DDHD1: variants seen among roughly 807,000 people sequenced by gnomAD.
DDHD1 encodes the protein DDHD domain containing 1.
A neutral mutation model predicts 96.4 loss-of-function variants in DDHD1; 49 were observed. That is an observed-to-expected ratio of 0.51 (90% CI 0.40 to 0.64). The LOEUF is 0.64. DDHD1 is among the 30% of genes least tolerant of loss of function. The probability of loss-of-function intolerance (pLI) is 0.00; values close to 1 mark genes in which losing one functional copy is unlikely to be tolerated. For missense variants in DDHD1, 1,106 were observed against 1,161.2 expected (o/e 0.95, Z 0.69); for synonymous variants, 442 against 446.5 (o/e 0.99, Z 0.13).
At chr14:53,075,711 C>G (rs1398125451) in intron 4 of DDHD1, among the ~76,000 whole-genome samples, 7 of 152,184 alleles carry the variant, frequency 4.6e-5, no homozygotes, top group Non-Finnish European at 1.0e-4. Flanking sequence ...TTCAAAGCTT[C>G]AAAGGACAGG....
At chr14:53,054,295 G>C in intron 11 of DDHD1, 143 bp downstream of exon 11, 1 of 668,954 alleles carries the variant, frequency 1.5e-6, no homozygotes, top group South Asian at 3.4e-5. Context: ...ATAAGCAGAA[G>C]GAAAGCATTT....
At chr14:53,107,075 C>A (rs549227756) in intron 1 of DDHD1, among the ~76,000 whole-genome samples, 2 of 151,992 alleles carry the variant, frequency 1.3e-5, no homozygotes, top group Non-Finnish European at 2.9e-5. Context: ...ATACAGTAGT[C>A]CCCCCTTATC....
chr14:53,131,383 T>G (rs1431140731), intron 1 of DDHD1, among the ~76,000 whole-genome samples: 2 of 152,206 alleles, frequency 1.3e-5, no homozygotes, highest in South Asian at 2.1e-4. Context: ...AACGCCAGTA[T>G]GCCATCCCAC....
chr14:53,047,414 G>A (rs915576820), intron 12 of DDHD1, among the ~76,000 whole-genome samples: 3 of 152,162 alleles, frequency 2.0e-5, no homozygotes, highest in Non-Finnish European at 2.9e-5. Flanking sequence ...CTAGTTGTGT[G>A]AGGGATATGT....
chr14:53,077,760 A>AC (rs1485167492), intron 4 of DDHD1, among the ~76,000 whole-genome samples: 1 of 151,248 alleles, frequency 6.6e-6, no homozygotes, highest in African/African-American at 2.4e-5. Context: ...CACGTTCATC[A>AC]CCCCAGAAAG....
At chr14:53,062,880 G>A (rs767002557) in intron 7 of DDHD1, 63 bp downstream of exon 7, 1,135 of 1,523,604 alleles carry the variant, frequency 7.4e-4, no homozygotes, top group Non-Finnish European at 8.7e-4. Context: ...TAGTTTTCTC[G>A]TAAGAGGTCC....
chr14:53,136,321 G>A (rs1346617289), intron 1 of DDHD1, among the ~76,000 whole-genome samples: 1 of 152,210 alleles, frequency 6.6e-6, no homozygotes, highest in African/African-American at 2.4e-5. Flanking sequence ...ACGGACGCAT[G>A]AGACAGTACA....
At chr14:53,123,339 G>C (rs1889157985) in intron 1 of DDHD1, among the ~76,000 whole-genome samples, 1 of 151,670 alleles carries the variant, frequency 6.6e-6, no homozygotes, top group East Asian at 1.9e-4. Flanking sequence ...GTAGAGACAG[G>C]GTTTCACCAT....
chr14:53,067,122 G>A (rs1360255449), intron 6 of DDHD1, among the ~76,000 whole-genome samples: 1 of 151,094 alleles, frequency 6.6e-6, no homozygotes, highest in African/African-American at 2.4e-5. Flanking sequence ...CACCAAATGA[G>A]AATCTCTGGG....
chr14:53,128,403 G>C (rs975449044), intron 1 of DDHD1, among the ~76,000 whole-genome samples: 1 of 152,140 alleles, frequency 6.6e-6, no homozygotes, highest in Non-Finnish European at 1.5e-5. Flanking sequence ...TTTGGTGTCT[G>C]GTGAGGGTCC....
At chr14:53,122,272 C>G (rs953789274) in intron 1 of DDHD1, among the ~76,000 whole-genome samples, 12 of 152,196 alleles carry the variant, frequency 7.9e-5, no homozygotes, top group Non-Finnish European at 1.6e-4. Flanking sequence ...AGTGAAATGT[C>G]ACCTGCTATG....
chr14:53,069,600 C>A (rs1293620284), intron 6 of DDHD1, among the ~76,000 whole-genome samples: 1 of 152,178 alleles, frequency 6.6e-6, no homozygotes, highest in East Asian at 1.9e-4. Context: ...TTGTGACATT[C>A]ACTTTATTGT....
intron 4 of DDHD1, among the ~76,000 whole-genome samples, chr14:53,081,942 G>A (rs1176030787): frequency 6.6e-6 from 1 of 152,106 alleles, no homozygotes; most frequent in African/African-American, 2.4e-5. Context: ...GAGGAAGAGG[G>A]AGACAGGGAG....
intron 2 of DDHD1, among the ~76,000 whole-genome samples, chr14:53,097,680 CATATTATTAA>C (rs1260444339): frequency 6.6e-6 from 1 of 151,818 alleles, no homozygotes; most frequent in Non-Finnish European, 1.5e-5. Flanking sequence ...GAACCAATTC[CATATTATTAA>C]ATATTAAACG....
At chr14:53,089,797 C>T (rs1886283757) in intron 4 of DDHD1, among the ~76,000 whole-genome samples, 1 of 152,124 alleles carries the variant, frequency 6.6e-6, no homozygotes, top group Non-Finnish European at 1.5e-5. Flanking sequence ...TGGGCAAAGA[C>T]TTCATGTCTA....
chr14:53,055,508 G>A (rs1882966060), intron 10 of DDHD1, 152 bp downstream of exon 10: 1 of 729,298 alleles, frequency 1.4e-6, no homozygotes, highest in Non-Finnish European at 2.2e-6. Flanking sequence ...AGCTTTTTGG[G>A]CCTCAAATAT....
intron 4 of DDHD1, among the ~76,000 whole-genome samples, chr14:53,089,802 T>C (rs1257572406): frequency 3.9e-5 from 6 of 152,184 alleles, no homozygotes; most frequent in Admixed American, 3.9e-4. Context: ...AAAGACTTCA[T>C]GTCTAAAACA....
chr14:53,093,892 G>C lies in DDHD1; in HGVS notation c.1013-448C>G, dbSNP rs1247488973. 1.8e-5 allele frequency: 3 copies of C among 166,024 alleles called. No individual in the cohort carries two copies. The Admixed American group carries it at 1.9e-4, about 11-fold the overall frequency. The allele number at this position is 166,024 out of a possible 1,614,324, so 10.3% of individuals were successfully genotyped here. On this transcript the variant is annotated intron_variant, in intron 2 of 12. Coordinates refer to ENST00000673822, the MANE Select transcript of DDHD1 (RefSeq NM_001160148.2). ...AAAGGATTTGTAAAAATTTCACTAA[G>C]TGGCCAGGTGCAGTGGCTCACACCT... is the stretch of plus-strand genomic sequence containing the variant.
At chr14:53,127,996 G>A (rs1889579164) in intron 1 of DDHD1, among the ~76,000 whole-genome samples, 1 of 152,158 alleles carries the variant, frequency 6.6e-6, no homozygotes, top group Non-Finnish European at 1.5e-5. Context: ...AACAGAACAC[G>A]CGGGTGGTTG....
Sources: gnomAD v4.1 joint callset for allele counts (sites outside exome capture counted in the v4.1 genomes callset) on GRCh38, gnomAD v4.1.1 for gene constraint, MANE v1.5 for transcripts, NCBI Gene and HGNC (gene_info 2026-07-23, HGNC 2026-07-21) for gene names.